Variants in EGF observed in about 807,000 individuals in gnomAD.
The protein encoded by EGF is pro-epidermal growth factor.
EGF carries 95 observed loss-of-function variants against 143.8 expected under a neutral mutation model. The observed-to-expected ratio is 0.66, with a 90% confidence interval of 0.56 to 0.78. EGF has a LOEUF of 0.78. EGF is among the 30% of genes least tolerant of loss of function. The probability of loss-of-function intolerance (pLI) is 0.00; values close to 1 mark genes in which losing one functional copy is unlikely to be tolerated. For missense variants in EGF, 1,320 were observed against 1,470.9 expected (o/e 0.90, Z 1.68); for synonymous variants, 510 against 510.5 (o/e 1.00, Z 0.01).
chr4:110,000,443 T>C (rs1752432358), intron 21 of EGF, among the ~76,000 whole-genome samples: 1 of 152,128 alleles, frequency 6.6e-6, no homozygotes, highest in South Asian at 2.1e-4. Context: ...TGTTTAATAT[T>C]ATATGCTCCC....
intron 19 of EGF, among the ~76,000 whole-genome samples, chr4:109,994,248 C>A (rs1216899118): frequency 1.3e-5 from 2 of 152,080 alleles, no homozygotes; most frequent in Non-Finnish European, 2.9e-5. Flanking sequence ...TCCTTGAGGG[C>A]TCCTCTGAAG....
At chr4:110,008,295 T>C in intron 23 of EGF, 65 bp downstream of exon 23, 1 of 1,579,820 alleles carries the variant, frequency 6.3e-7, no homozygotes, top group South Asian at 1.1e-5. Flanking sequence ...TGTTTTTCAA[T>C]GAAAAGTCTC....
intron 5 of EGF, among the ~76,000 whole-genome samples, chr4:109,947,542 A>G (rs1278039977): frequency 6.6e-6 from 1 of 152,230 alleles, no homozygotes; most frequent in Non-Finnish European, 1.5e-5. Flanking sequence ...TATAAAGTAG[A>G]TGGGTGAACC....
At chr4:109,931,205 A>G (rs764570428) in intron 1 of EGF, among the ~76,000 whole-genome samples, 1 of 152,254 alleles carries the variant, frequency 6.6e-6, no homozygotes, top group South Asian at 2.1e-4. Flanking sequence ...GGCAAATGAT[A>G]TACATGTAGT....
At chr4:109,920,477 G>A (rs1055922867) in intron 1 of EGF, among the ~76,000 whole-genome samples, 10 of 151,668 alleles carry the variant, frequency 6.6e-5, no homozygotes, top group Admixed American at 3.9e-4. Context: ...ATGGGGCGAG[G>A]AGAAGAGAGG....
In EGF at chr4:109,943,242, T is replaced by G. The variant is rs1560663131; in HGVS notation, c.328-12T>G. On this transcript the variant is annotated splice_polypyrimidine_tract_variant and intron_variant, in intron 2 of 23. Transcript: ENST00000265171. ...GAAGTATTAATAACAATTTTAAAATTTGATTTTGCAGAGAGTATGTAATAT... is the reference window on the plus strand; with the variant it reads ...GAAGTATTAATAACAATTTTAAAATGTGATTTTGCAGAGAGTATGTAATAT... 6.4e-7 allele frequency: 1 copy of G among 1,561,176 alleles called. No homozygotes were observed. The highest frequency in any genetic ancestry group is 8.7e-7 in the Non-Finnish European group (1 of 1,150,464).
chr4:109,991,657 C>T (rs1377610057), intron 18 of EGF, among the ~76,000 whole-genome samples: 1 of 152,028 alleles, frequency 6.6e-6, no homozygotes, highest in East Asian at 1.9e-4. Flanking sequence ...ATAGTTTATT[C>T]TTATATAAAA....
At chr4:109,915,503 A>G (rs1279429086) in intron 1 of EGF, among the ~76,000 whole-genome samples, 1 of 152,180 alleles carries the variant, frequency 6.6e-6, no homozygotes, top group Non-Finnish European at 1.5e-5. Context: ...GAATGTGTGG[A>G]TGGCACTTTG....
chr4:109,994,336 A>C (rs1205637433), intron 19 of EGF, among the ~76,000 whole-genome samples: 2 of 152,128 alleles, frequency 1.3e-5, no homozygotes, highest in African/African-American at 4.8e-5. Flanking sequence ...CTGCACATTG[A>C]TGGGTAGGTT....
intron 11 of EGF, among the ~76,000 whole-genome samples, chr4:109,969,456 G>T (rs1423174941): frequency 6.6e-6 from 1 of 152,138 alleles, no homozygotes; most frequent in Non-Finnish European, 1.5e-5. Flanking sequence ...CCTTTTGGAG[G>T]GTGGGTGGCA....
intron 10 of EGF, among the ~76,000 whole-genome samples, chr4:109,967,803 G>A (rs1746847528): frequency 6.6e-6 from 1 of 152,148 alleles, no homozygotes; most frequent in South Asian, 2.1e-4. Context: ...CTACAAACCT[G>A]TGCGGATGTT....
chr4:109,984,092 C>T (rs1348947994), intron 16 of EGF, among the ~76,000 whole-genome samples: 1 of 152,142 alleles, frequency 6.6e-6, no homozygotes. Flanking sequence ...CCTAGGAGGT[C>T]AGTGGTTTTT....
intron 13 of EGF, among the ~76,000 whole-genome samples, chr4:109,979,103 G>A (rs535025451): frequency 1.6e-4 from 25 of 152,292 alleles, no homozygotes; most frequent in Middle Eastern, 6.8e-3. Flanking sequence ...AGTTCCAGTG[G>A]CACAGAGAGG....
At chr4:109,941,543 A>G (rs1266801410) in intron 2 of EGF, among the ~76,000 whole-genome samples, 2 of 152,136 alleles carry the variant, frequency 1.3e-5, no homozygotes, top group African/African-American at 4.8e-5. Context: ...GGTTGTCACA[A>G]GTAGGTGAGG....
intron 5 of EGF, among the ~76,000 whole-genome samples, chr4:109,958,707 T>C (rs1745183213): frequency 6.6e-6 from 1 of 152,002 alleles, no homozygotes; most frequent in Non-Finnish European, 1.5e-5. Context: ...GGTGGGCAGA[T>C]CACTTGAGGT....
intron 1 of EGF, among the ~76,000 whole-genome samples, chr4:109,929,859 A>T (rs1329239444): frequency 1.3e-5 from 2 of 152,270 alleles, no homozygotes; most frequent in Admixed American, 1.3e-4. Context: ...TGTGAAAAGA[A>T]ATTTGTGCTT....
intron 1 of EGF, among the ~76,000 whole-genome samples, chr4:109,924,124 C>T (rs772971445): frequency 2.0e-5 from 3 of 151,708 alleles, no homozygotes; most frequent in South Asian, 2.1e-4. Context: ...TGTCAGATTA[C>T]GAAGGACCTT....
Position 109,941,561 on chromosome 4 carries a change from G to A in EGF, c.327+416G>A, listed in dbSNP as rs148021623. Among the ~76,000 whole-genome samples the A allele has an allele frequency of 2.0e-4, 31 of 152,288 alleles. 1 individual carries two copies. The East Asian group carries it at 6.0e-3, about 29-fold the overall frequency. On this transcript the variant is annotated intron_variant, in intron 2 of 23. Coordinates refer to ENST00000265171, the MANE Select transcript of EGF (RefSeq NM_001963.6). ...TGTCACAAGTAGGTGAGGTAGGAAG[G>A]TGGAGACGATACAGGCATCTAGTGG...
chr4:109,932,371 A>ATATATATATATATATATATATATATATC (rs1560643356), intron 1 of EGF, among the ~76,000 whole-genome samples: 1 of 123,940 alleles, frequency 8.1e-6, no homozygotes, highest in Non-Finnish European at 1.7e-5. Flanking sequence ...ATATATATAT[A>ATATATATATATATATATATATATATATC]TATATAAATT....
Sources: allele counts gnomAD v4.1 joint callset (sites outside exome capture counted in the v4.1 genomes callset), GRCh38; gene constraint gnomAD v4.1.1; transcripts MANE v1.5; gene names NCBI Gene and HGNC (gene_info 2026-07-23, HGNC 2026-07-21).